CAST: variants seen among roughly 807,000 people sequenced by gnomAD.
The protein encoded by CAST is calpastatin.
In CAST, 76 loss-of-function variants were observed where a neutral mutation model predicts 119.6. That is an observed-to-expected ratio of 0.64 (90% CI 0.53 to 0.77). The LOEUF is 0.77. Ranked by LOEUF, CAST falls within the 30% of genes least tolerant of loss-of-function variation. CAST has a pLI of 0.00. For synonymous variants in CAST, 319 were observed against 331.6 expected (o/e 0.96, Z 0.41); for missense variants, 953 against 946.5 (o/e 1.01, Z -0.09).
the CAST span, among the ~76,000 whole-genome samples, chr5:96,451,942 T>TACC: frequency 6.6e-6 from 1 of 152,196 alleles, no homozygotes; most frequent in Non-Finnish European, 1.5e-5. Context: ...CGCAATGAGA[T>TACC]ACTATCTCAC....
At chr5:96,287,907 C>T in the CAST span, among the ~76,000 whole-genome samples, 1 of 152,112 alleles carries the variant, frequency 6.6e-6, no homozygotes, top group Non-Finnish European at 1.5e-5. Flanking sequence ...TCAGCATTTT[C>T]TACAAACTTG....
intron 1 of CAST, among the ~76,000 whole-genome samples, chr5:96,588,041 A>G (rs1008439069): frequency 6.6e-6 from 1 of 152,090 alleles, no homozygotes; most frequent in African/African-American, 2.4e-5. Flanking sequence ...TGATCCAGTC[A>G]TCACCTGGAT....
the CAST span, among the ~76,000 whole-genome samples, chr5:96,177,541 A>C: frequency 1.2e-4 from 18 of 152,310 alleles, no homozygotes; most frequent in East Asian, 2.5e-3. Flanking sequence ...GAATATGTGC[A>C]TGTGCTAGAA....
the CAST span, among the ~76,000 whole-genome samples, chr5:96,479,033 G>A: frequency 6.6e-6 from 1 of 152,182 alleles, no homozygotes; most frequent in African/African-American, 2.4e-5. Context: ...AGTAATTAAA[G>A]CAGTAGAAAG....
chr5:96,335,509 C>T, the CAST span, among the ~76,000 whole-genome samples: 1 of 152,196 alleles, frequency 6.6e-6, no homozygotes, highest in Admixed American at 6.5e-5. Context: ...CACCCACATG[C>T]TGGGGTTACC....
the CAST span, among the ~76,000 whole-genome samples, chr5:96,022,901 T>C: frequency 6.6e-6 from 1 of 152,206 alleles, no homozygotes. Context: ...CCCCCACTTA[T>C]CAAGGGTAGT....
chr5:96,038,685 T>G, the CAST span, among the ~76,000 whole-genome samples: 1 of 152,108 alleles, frequency 6.6e-6, no homozygotes, highest in Non-Finnish European at 1.5e-5. Context: ...TCCATGTCCC[T>G]GCAAAGGACA....
chr5:96,697,499 T>C (rs17086582), intron 3 of CAST, among the ~76,000 whole-genome samples: 4,068 of 152,286 alleles, frequency 0.027, 188 homozygotes, highest in African/African-American at 0.092. Context: ...TTTAAAGACC[T>C]TTTCAAAGCT....
chr5:96,761,800 A>C (rs1390348632), intron 24 of CAST: 1 of 154,204 alleles, frequency 6.5e-6, no homozygotes, highest in Non-Finnish European at 1.5e-5. Flanking sequence ...GATTATCATA[A>C]TAAAAGTCAA....
chr5:96,100,397 T>A, the CAST span, among the ~76,000 whole-genome samples: 2 of 152,208 alleles, frequency 1.3e-5, no homozygotes, highest in Non-Finnish European at 2.9e-5. Flanking sequence ...GGATCTGTGG[T>A]CTGTCTTGAG....
At chr5:96,581,091 T>G (rs1041724904) in intron 1 of CAST, among the ~76,000 whole-genome samples, 4 of 152,258 alleles carry the variant, frequency 2.6e-5, no homozygotes, top group Non-Finnish European at 5.9e-5. Context: ...CTACCCAGTT[T>G]ATAACATTTT....
the CAST span, among the ~76,000 whole-genome samples, chr5:96,355,420 A>G: frequency 6.6e-6 from 1 of 152,112 alleles, no homozygotes; most frequent in African/African-American, 2.4e-5. Context: ...TTCTTTATCC[A>G]GTCTATCATT....
At chr5:96,705,047 C>T (rs1158660570) in intron 3 of CAST, among the ~76,000 whole-genome samples, 3 of 152,252 alleles carry the variant, frequency 2.0e-5, no homozygotes, top group East Asian at 1.9e-4. Context: ...GGGCTAGGGA[C>T]GGTGGCTCAT....
chr5:96,364,138 C>T, the CAST span, among the ~76,000 whole-genome samples: 2 of 152,088 alleles, frequency 1.3e-5, no homozygotes, highest in Non-Finnish European at 2.9e-5. Flanking sequence ...ATTACATTTA[C>T]TGATTTTCGT....
chr5:96,532,683 C>G (rs1175560650), intron 1 of CAST, among the ~76,000 whole-genome samples: 1 of 152,116 alleles, frequency 6.6e-6, no homozygotes, highest in Non-Finnish European at 1.5e-5. Flanking sequence ...AATCCTGTCT[C>G]TGCTAAAAAT....
the CAST span, among the ~76,000 whole-genome samples, chr5:96,425,062 A>AAGAAAGAAAGAG: frequency 2.1e-5 from 3 of 142,436 alleles, no homozygotes; most frequent in Non-Finnish European, 4.6e-5. Flanking sequence ...GAAAGAAAGA[A>AAGAAAGAAAGAG]AGAAAGAAAG....
chr5:96,188,633 C>T, the CAST span, among the ~76,000 whole-genome samples: 1 of 152,094 alleles, frequency 6.6e-6, no homozygotes, highest in East Asian at 1.9e-4. Context: ...GTCTTTCCCT[C>T]CCCCCTTTAA....
At chr5:96,685,268 G>A (rs764064362) in intron 2 of CAST, among the ~76,000 whole-genome samples, 87 of 152,084 alleles carry the variant, frequency 5.7e-4, no homozygotes, top group Non-Finnish European at 1.0e-3. Context: ...CAGATCATAA[G>A]CACTAGAAAC....
chr5:96,033,279 C>T, the CAST span, among the ~76,000 whole-genome samples: 1 of 151,922 alleles, frequency 6.6e-6, no homozygotes, highest in African/African-American at 2.4e-5. Context: ...TATAAAAATA[C>T]CAATGACATT....
Sources: allele counts gnomAD v4.1 joint callset (sites outside exome capture counted in the v4.1 genomes callset), GRCh38; gene constraint gnomAD v4.1.1; transcripts MANE v1.5; gene names NCBI Gene and HGNC (gene_info 2026-07-23, HGNC 2026-07-21).